Variants in MAGI2 observed in about 807,000 individuals in gnomAD.
MAGI2 encodes the protein membrane-associated guanylate kinase, WW and PDZ domain-containing protein 2.
MAGI2 carries 35 observed loss-of-function variants against 133.3 expected under a neutral mutation model. That is an observed-to-expected ratio of 0.26 (90% CI 0.20 to 0.35). The LOEUF is 0.35. MAGI2 is among the 10% of genes least tolerant of loss of function. The pLI is 1.00. For synonymous variants in MAGI2, 729 were observed against 710.6 expected, an observed-to-expected ratio of 1.03 and a Z score of -0.41; for missense variants, 1,636 against 1,863.4, an observed-to-expected ratio of 0.88 and a Z score of 2.25.
chr7:79,007,259 T>G (rs1057227684), intron 1 of MAGI2, 53 bp from the exon 2 acceptor site: 8 of 1,031,394 alleles, frequency 7.8e-6, no homozygotes, highest in Non-Finnish European at 8.9e-6. Context: ...ATTTTAAGCA[T>G]GTAATTTGAT....
intron 1 of MAGI2, among the ~76,000 whole-genome samples, chr7:79,165,286 C>T (rs750822157): frequency 1.1e-4 from 16 of 151,564 alleles, no homozygotes; most frequent in South Asian, 4.1e-4. Flanking sequence ...GCAAAACCAC[C>T]GCTTTTTATA....
intron 2 of MAGI2, among the ~76,000 whole-genome samples, chr7:78,961,154 A>G (rs185216277): frequency 1.6e-3 from 247 of 152,272 alleles, no homozygotes; most frequent in Middle Eastern, 0.014. Flanking sequence ...TTTATTGCAA[A>G]TGAAAGGTAG....
chr7:78,178,250 A>T, intron 13 of MAGI2, 148 bp from the exon 14 acceptor site: 6 of 537,812 alleles, frequency 1.1e-5, no homozygotes, highest in Non-Finnish European at 2.0e-5. Flanking sequence ...GATACAAAAA[A>T]TATGGCAGCA....
intron 7 of MAGI2, among the ~76,000 whole-genome samples, chr7:78,356,226 A>T (rs1792065256): frequency 6.6e-6 from 1 of 152,174 alleles, no homozygotes; most frequent in Non-Finnish European, 1.5e-5. Flanking sequence ...TATGTGAGGG[A>T]GAATGGAGGT....
intron 1 of MAGI2, among the ~76,000 whole-genome samples, chr7:79,276,966 T>TAAG (rs1385957830): frequency 6.6e-6 from 1 of 151,164 alleles, no homozygotes; most frequent in Non-Finnish European, 1.5e-5. Context: ...CTGTCTAAAA[T>TAAG]AATAATAATA....
chr7:78,808,881 A>G (rs1788810631), intron 2 of MAGI2, among the ~76,000 whole-genome samples: 1 of 152,036 alleles, frequency 6.6e-6, no homozygotes, highest in Non-Finnish European at 1.5e-5. Flanking sequence ...AAGCTACATG[A>G]CCCTAACTTT....
intron 1 of MAGI2, among the ~76,000 whole-genome samples, chr7:79,179,845 A>T (rs1404369416): frequency 1.3e-5 from 2 of 152,012 alleles, no homozygotes; most frequent in African/African-American, 4.8e-5. Flanking sequence ...AGTGAAATGC[A>T]TCAGGATATT....
chr7:78,218,923 G>A (rs956471347), intron 10 of MAGI2, among the ~76,000 whole-genome samples: 12 of 152,178 alleles, frequency 7.9e-5, no homozygotes, highest in Admixed American at 1.3e-4. Context: ...CGAACCTGGT[G>A]CTTCATCATA....
chr7:78,029,224 G>A (rs1809301769), intron 21 of MAGI2, among the ~76,000 whole-genome samples: 1 of 152,176 alleles, frequency 6.6e-6, no homozygotes, highest in Admixed American at 6.5e-5. Flanking sequence ...TGTGAGCACA[G>A]GTTAGGAAAC....
chr7:79,178,857 G>A (rs1826360466), intron 1 of MAGI2, among the ~76,000 whole-genome samples: 1 of 151,902 alleles, frequency 6.6e-6, no homozygotes, highest in African/African-American at 2.4e-5. Flanking sequence ...TATAGCAAAA[G>A]TTTGCCATAA....
rs1845802313 is a variant in MAGI2, at chr7:79,406,274, C to T, written c.301+46746G>A. On this transcript the variant is annotated intron_variant, in intron 1 of 21. Transcript: ENST00000354212. ...ATATTGCAGCCAAGATAATAAGAGA[C>T]CTGGAAAACATTTCAAATAATGTAA... is the stretch of plus-strand genomic sequence containing the variant. Among the ~76,000 whole-genome samples the T allele has an allele frequency of 2.0e-5, 3 of 151,816 alleles. No individual in the cohort carries two copies. The South Asian group carries it at 6.2e-4, about 32-fold the overall frequency.
chr7:78,514,445 T>C (rs992909225), intron 4 of MAGI2, among the ~76,000 whole-genome samples: 18 of 152,172 alleles, frequency 1.2e-4, no homozygotes, highest in Non-Finnish European at 5.9e-5. Context: ...CATTTATAGA[T>C]GGAATATCTA....
chr7:79,342,705 T>C (rs1840991469), intron 1 of MAGI2, among the ~76,000 whole-genome samples: 1 of 152,124 alleles, frequency 6.6e-6, no homozygotes. Flanking sequence ...CACTAGTCTC[T>C]TCACTAATTA....
intron 1 of MAGI2, among the ~76,000 whole-genome samples, chr7:79,109,343 A>G (rs1198232730): frequency 1.3e-5 from 2 of 152,200 alleles, no homozygotes; most frequent in African/African-American, 4.8e-5. Context: ...CTCAGATGGA[A>G]ATGAGGAACT....
At chr7:79,017,104 C>T (rs1808812360) in intron 1 of MAGI2, among the ~76,000 whole-genome samples, 1 of 152,238 alleles carries the variant, frequency 6.6e-6, no homozygotes, top group Non-Finnish European at 1.5e-5. Flanking sequence ...TGCAGCACTG[C>T]CGCTGCTGCT....
At chr7:79,167,217 C>G (rs528017603) in intron 1 of MAGI2, among the ~76,000 whole-genome samples, 20 of 151,854 alleles carry the variant, frequency 1.3e-4, no homozygotes, top group Non-Finnish European at 2.7e-4. Flanking sequence ...AGAGAAAATC[C>G]TTTTTCGCCT....
intron 1 of MAGI2, among the ~76,000 whole-genome samples, chr7:79,113,452 G>A (rs756882049): frequency 6.6e-6 from 1 of 152,178 alleles, no homozygotes; most frequent in Non-Finnish European, 1.5e-5. Flanking sequence ...TTGTCATGGA[G>A]AGACCAGAAG....
intron 2 of MAGI2, among the ~76,000 whole-genome samples, chr7:78,733,888 T>C (rs1821599136): frequency 6.6e-6 from 1 of 152,176 alleles, no homozygotes; most frequent in South Asian, 2.1e-4. Context: ...TTTAATACAA[T>C]GCCCCAACTG....
intron 3 of MAGI2, among the ~76,000 whole-genome samples, chr7:78,538,068 C>A (rs1437296661): frequency 1.3e-5 from 2 of 152,162 alleles, no homozygotes; most frequent in Non-Finnish European, 2.9e-5. Flanking sequence ...ATCTCACCAC[C>A]ATTTGTTGAA....
Sources: gnomAD v4.1 joint callset for allele counts (sites outside exome capture counted in the v4.1 genomes callset) on GRCh38, gnomAD v4.1.1 for gene constraint, MANE v1.5 for transcripts, NCBI Gene and HGNC (gene_info 2026-07-23, HGNC 2026-07-21) for gene names.